PROP1: variants seen among roughly 807,000 people sequenced by gnomAD.
PROP1 encodes the protein homeobox protein prophet of Pit-1.
In PROP1, 12 loss-of-function variants were observed where a neutral mutation model predicts 22.3. The ratio of observed to expected loss-of-function variants is 0.54; its 90% CI spans 0.34 to 0.87. PROP1 has a LOEUF of 0.87. Ranked by LOEUF, PROP1 falls within the 40% of genes least tolerant of loss-of-function variation. The probability of loss-of-function intolerance (pLI) is 0.01; values close to 1 mark genes in which losing one functional copy is unlikely to be tolerated. For missense variants in PROP1, 278 were observed against 295.1 expected, an observed-to-expected ratio of 0.94 and a Z score of 0.43; for synonymous variants, 112 against 116.7, an observed-to-expected ratio of 0.96 and a Z score of 0.26.
At chr5:177,993,878 C>T (rs957231603) in intron 2 of PROP1, among the ~76,000 whole-genome samples, 2 of 151,978 alleles carry the variant, frequency 1.3e-5, no homozygotes, top group African/African-American at 4.8e-5. Context: ...GAATTGGCAT[C>T]ACTATTAAAT....
chr5:177,996,041 C>T lies in PROP1; in HGVS notation c.-108G>A. The stretch of plus-strand genomic sequence containing the variant: ...TCCCCTTCTCCCTCTGTGTATGCCA[C>T]CCTCTGGGACTCTGTCTCTGAATGT... On this transcript the variant is annotated 5_prime_UTR_variant, in exon 1 of 3. The change creates a new upstream start codon in the 5' untranslated region. Transcript: ENST00000308304. 1.1e-6 allele frequency: 1 copy of T among 891,794 alleles called. No homozygotes were observed. Among genetic ancestry groups the T allele is most frequent in the Admixed American group, 1.9e-5 (1 of 51,706 alleles). The allele number at this position is 891,794 out of a possible 1,614,324, so 55.2% of individuals were successfully genotyped here.
Position 177,994,224 on chromosome 5 carries a change from G to A in PROP1, c.224C>T (p.Thr75Ile). 3 of 1,614,132 alleles carry A rather than the reference G, an allele frequency of 1.9e-6. No individual in the cohort carries two copies. In the East Asian group the frequency reaches 6.7e-5, roughly 36 times the overall value. The change falls in exon 2 of 3, where the codon ACC becomes ATC. Residue 75 changes from threonine to isoleucine, a missense_variant. By Grantham distance (89) the Thr-to-Ile change is moderately conservative (BLOSUM62 -1). Transcript: ENST00000308304. ...RPHSRRRHRTTFSPVQLEQLE... is the reference protein window; with the variant it reads ...RPHSRRRHRTIFSPVQLEQLE... ...CTGTTCCAACTGCACTGGGCTGAAG[G>A]TGGTGCGGTGGCGGCGCCGGGAGTG...
At chr5:177,995,758 G>A (rs1295744105) in intron 1 of PROP1, 67 bp downstream of exon 1, 1 of 1,212,538 alleles carries the variant, frequency 8.2e-7, no homozygotes, top group Non-Finnish European at 1.2e-6. Context: ...TCTTCATGGA[G>A]CCTATGCTTT....
intron 2 of PROP1, among the ~76,000 whole-genome samples, chr5:177,993,336 G>T (rs1269211070): frequency 6.6e-6 from 1 of 152,156 alleles, no homozygotes; most frequent in Admixed American, 6.5e-5. Flanking sequence ...CTTCCCCAGA[G>T]AATGGGAAAT....
At chr5:177,993,973 C>T in intron 2 of PROP1, 133 bp downstream of exon 2, 1 of 922,014 alleles carries the variant, frequency 1.1e-6, no homozygotes, top group Non-Finnish European at 1.8e-6. Context: ...AATGCAGTTG[C>T]TCTGATGCTG....
chr5:177,992,583 C>G lies in PROP1; in HGVS notation c.*126G>C, dbSNP rs1209587729. 21 of 669,176 alleles carry G rather than the reference C, an allele frequency of 3.1e-5. No individual in the cohort carries two copies. In the Admixed American group the frequency reaches 6.0e-4, roughly 19 times the overall value. 41.5% of individuals were successfully genotyped at this position (669,176 alleles called of 1,614,324 possible). On this transcript the variant is annotated 3_prime_UTR_variant, in exon 3 of 3. Transcript: ENST00000308304. ...ACCATGATCTCCCATTTTTAAATTT[C>G]TAATCGCTGAGCTGACCCTCACCAT...
Position 177,993,065 on chromosome 5 carries a change from C to T in PROP1, c.343-18G>A, listed in dbSNP as rs1214143352. ...AACCAGACCTGAGAAGGGGTAGGAA[C>T]CACATCAGAGCCCACACTTGACATA... On this transcript the variant is annotated intron_variant, in intron 2 of 2. Transcript: ENST00000308304. The T allele has an allele frequency of 6.2e-7, 1 of 1,604,866 alleles. No individual in the cohort carries two copies. Among genetic ancestry groups the T allele is most frequent in the Non-Finnish European group, 8.5e-7 (1 of 1,174,504 alleles).
At chr5:177,995,603 A>T (rs546072106) in intron 1 of PROP1, among the ~76,000 whole-genome samples, 1 of 152,218 alleles carries the variant, frequency 6.6e-6, no homozygotes, top group East Asian at 1.9e-4. Context: ...CCCCACTGCA[A>T]TGTGAGCTGT....
rs768760285 is a variant in PROP1 at position 177,994,242 on chromosome 5, C to T, written c.206G>A (p.Arg69Gln). The T allele has an allele frequency of 4.6e-5, 75 of 1,613,878 alleles. 1 individual carries two copies. The South Asian group carries it at 7.4e-4, about 16-fold the overall frequency. ...GCTGAAGGTGGTGCGGTGGCGGCGC[C>T]GGGAGTGCGGGCGGCCCCTCTGTCC... ...QGGQRGRPHSRRRHRTTFSPV... is the reference protein window; with the variant it reads ...QGGQRGRPHSQRRHRTTFSPV... Residue 69 changes from arginine (R) to glutamine (Q), a missense_variant, in exon 2 of 3, where the codon CGG becomes CAG. By Grantham distance (43) the Arg-to-Gln change is conservative (BLOSUM62 1). Transcript: ENST00000308304.
intron 2 of PROP1, among the ~76,000 whole-genome samples, chr5:177,993,815 G>C (rs1055281956): frequency 2.2e-4 from 34 of 152,222 alleles, no homozygotes; most frequent in Middle Eastern, 3.4e-3. Context: ...GATCCATCCA[G>C]CTTGGCCTCC....
intron 2 of PROP1, 131 bp downstream of exon 2, chr5:177,993,974 TC>T: frequency 1.1e-6 from 1 of 928,376 alleles, no homozygotes; most frequent in Non-Finnish European, 1.8e-6. Flanking sequence ...ATGCAGTTGC[TC>T]TGATGCTGGT....
At chr5:177,995,292 G>T (rs373889720) in intron 1 of PROP1, among the ~76,000 whole-genome samples, 1 of 152,136 alleles carries the variant, frequency 6.6e-6, no homozygotes, top group Non-Finnish European at 1.5e-5. Flanking sequence ...GGCTCCCTAA[G>T]CCCCCACACT....
Position 177,995,994 on chromosome 5 carries a change from G to T in PROP1, c.-61C>A. 2 of 1,448,052 alleles carry T rather than the reference G, an allele frequency of 1.4e-6. No homozygotes were observed. Among genetic ancestry groups the T allele is most frequent in the Non-Finnish European group, 9.6e-7 (1 of 1,036,904 alleles). The allele number at this position is 1,448,052 out of a possible 1,614,324, so 89.7% of individuals were successfully genotyped here. A position where few individuals can be genotyped will look rare whatever the true frequency, so the allele number is the denominator to read the frequency against. On this transcript the variant is annotated 5_prime_UTR_variant, in exon 1 of 3. It adds an upstream start codon to the 5' untranslated region. Transcript: ENST00000308304. ...GACTTGAGATTTCTCTGCTTCCGCA[G>T]CTCCTCTCCACACCTGTTCCCTCCC...
chr5:177,996,067 G>A lies in PROP1; in HGVS notation c.-134C>T, dbSNP rs1582664947. 2.7e-6 allele frequency: 2 copies of A among 750,788 alleles called. No homozygotes were observed. The highest frequency in any genetic ancestry group is 5.3e-5 in the East Asian group (2 of 37,526). 46.5% of individuals were successfully genotyped at this position (750,788 alleles called of 1,614,324 possible). On this transcript the variant is annotated 5_prime_UTR_variant, in exon 1 of 3. Transcript: ENST00000308304. ...CCTCTGGGACTCTGTCTCTGAATGTGTGTGTAGGTGCAGGCAGCTGTCTCT... is the reference window on the plus strand; with the variant it reads ...CCTCTGGGACTCTGTCTCTGAATGTATGTGTAGGTGCAGGCAGCTGTCTCT...
chr5:177,995,927 C>T lies in PROP1; in HGVS notation c.7G>A (p.Ala3Thr), dbSNP rs749835137. ...TTCTCAGCCTGGCGCCTCCTTTCTG[C>T]TTCCATGGCTCGCCACGGGGACCAA... is the stretch of plus-strand genomic sequence containing the variant. ME[A>T]ERRRQAEKPK... Residue 3 changes from alanine (A) to threonine (T), a missense_variant, in exon 1 of 3, where the codon GCA (alanine) becomes ACA (threonine). Coordinates refer to ENST00000308304, the MANE Select transcript of PROP1 (RefSeq NM_006261.5). 1.2e-6 allele frequency: 2 copies of T among 1,612,662 alleles called. No individual in the cohort carries two copies. Among genetic ancestry groups the T allele is most frequent in the Admixed American group, 1.7e-5 (1 of 60,022 alleles).
intron 2 of PROP1, among the ~76,000 whole-genome samples, chr5:177,993,516 T>C (rs2113061939): frequency 6.6e-6 from 1 of 152,186 alleles, no homozygotes; most frequent in South Asian, 2.1e-4. Context: ...CAAGCTTCTG[T>C]AAGAATATGG....
chr5:177,993,193 C>A, intron 2 of PROP1, 146 bp from the exon 3 acceptor site: 1 of 768,888 alleles, frequency 1.3e-6, no homozygotes, highest in East Asian at 2.7e-5. Context: ...CTTGGCTGAG[C>A]CTGGTCTGCT....
chr5:177,993,867 G>A (rs574602448), intron 2 of PROP1, among the ~76,000 whole-genome samples: 105 of 152,138 alleles, frequency 6.9e-4, no homozygotes, highest in African/African-American at 2.5e-3. Context: ...GTGCCCAGCC[G>A]GAATTGGCAT....
At chr5:177,993,782 G>A (rs188364792) in intron 2 of PROP1, among the ~76,000 whole-genome samples, 1 of 152,200 alleles carries the variant, frequency 6.6e-6, no homozygotes, top group East Asian at 1.9e-4. Flanking sequence ...AACCAGGCTG[G>A]TCTCGAACTC....
Sources: gnomAD v4.1 joint callset for allele counts (sites outside exome capture counted in the v4.1 genomes callset) on GRCh38, gnomAD v4.1.1 for gene constraint, MANE v1.5 for transcripts, NCBI Gene and HGNC (gene_info 2026-07-23, HGNC 2026-07-21) for gene names.